EFNA5: variants seen among roughly 807,000 people sequenced by gnomAD.
EFNA5 encodes the protein ephrin A5.
In EFNA5, 5 loss-of-function variants were observed where a neutral mutation model predicts 22.9. The ratio of observed to expected loss-of-function variants is 0.22; its 90% CI spans 0.11 to 0.46. The LOEUF (loss-of-function observed/expected upper bound fraction) is 0.46. EFNA5 is among the 20% of genes least tolerant of loss of function. The pLI is 0.99. For missense variants in EFNA5, 237 were observed against 293.3 expected, an observed-to-expected ratio of 0.81 and a Z score of 1.40; for synonymous variants, 113 against 112.2, an observed-to-expected ratio of 1.01 and a Z score of -0.04.
At chr5:107,550,480 T>C (rs1748270116) in intron 1 of EFNA5, among the ~76,000 whole-genome samples, 1 of 152,182 alleles carries the variant, frequency 6.6e-6, no homozygotes, top group Non-Finnish European at 1.5e-5. Context: ...AGGCAAATTG[T>C]CTAATCTTTC....
intron 2 of EFNA5, among the ~76,000 whole-genome samples, chr5:107,396,580 T>A (rs1368498578): frequency 6.6e-6 from 1 of 152,058 alleles, no homozygotes; most frequent in Non-Finnish European, 1.5e-5. Context: ...GGCTCAGGTG[T>A]GGATAGTGGT....
At chr5:107,610,084 C>A (rs1299457291) in intron 1 of EFNA5, among the ~76,000 whole-genome samples, 1 of 152,188 alleles carries the variant, frequency 6.6e-6, no homozygotes, top group Admixed American at 6.5e-5. Context: ...GTTAAATTCT[C>A]TTCTATTATT....
intron 2 of EFNA5, among the ~76,000 whole-genome samples, chr5:107,410,565 G>T (rs1748341625): frequency 6.6e-6 from 1 of 152,054 alleles, no homozygotes; most frequent in Non-Finnish European, 1.5e-5. Flanking sequence ...TAAAAAAAGG[G>T]TTCCCAGGTC....
intron 1 of EFNA5, among the ~76,000 whole-genome samples, chr5:107,645,640 C>T (rs2112548335): frequency 6.6e-6 from 1 of 152,310 alleles, no homozygotes; most frequent in Middle Eastern, 3.4e-3. Flanking sequence ...TAGTTCTTTT[C>T]ATTCACATCT....
chr5:107,420,522 TAAAAAAAAAAAA>T lies in EFNA5; in HGVS notation c.418+6683_418+6694del, dbSNP rs368304882. Among the ~76,000 whole-genome samples, 19 of 109,090 alleles carry T rather than the reference TAAAAAAAAAAAA, an allele frequency of 1.7e-4. No individual in the cohort carries two copies. In the East Asian group the frequency reaches 3.0e-3, roughly 17 times the overall value. The allele number at this position is 109,090 out of a possible 152,430, so 71.6% of individuals were successfully genotyped here. A position where few individuals can be genotyped will look rare whatever the true frequency, so the allele number is the denominator to read the frequency against. ...TACACTTAACCAGAGTCTGTGCTTT[TAAAAAAAAAAAA>T]AAAAAAGAAAAAAAAAAAAGAAAAA... is the stretch of plus-strand genomic sequence containing the variant. On this transcript the variant is annotated intron_variant, in intron 2 of 4. Coordinates refer to ENST00000333274, the MANE Select transcript of EFNA5 (RefSeq NM_001962.3).
At chr5:107,620,805 A>T (rs1008950847) in intron 1 of EFNA5, among the ~76,000 whole-genome samples, 1 of 152,240 alleles carries the variant, frequency 6.6e-6, no homozygotes, top group African/African-American at 2.4e-5. Context: ...TACAATATAA[A>T]ATAAGTACTA....
intron 1 of EFNA5, among the ~76,000 whole-genome samples, chr5:107,540,659 T>C (rs1212004823): frequency 6.6e-6 from 1 of 152,146 alleles, no homozygotes; most frequent in Non-Finnish European, 1.5e-5. Context: ...GCTTTAGGAG[T>C]AAAAATTTGT....
intron 1 of EFNA5, among the ~76,000 whole-genome samples, chr5:107,626,463 T>A (rs889405813): frequency 6.6e-6 from 1 of 152,082 alleles, no homozygotes; most frequent in Non-Finnish European, 1.5e-5. Context: ...AAATTTTTTT[T>A]AGAGATGGGA....
rs559798045 is a variant in EFNA5, at chr5:107,551,905, T to TA, written c.125+118583_125+118584insT. Among the ~76,000 whole-genome samples the TA allele has an allele frequency of 1.7e-4, 26 of 151,566 alleles. 1 individual carries two copies. The South Asian group carries it at 4.1e-3, about 24-fold the overall frequency. On this transcript the variant is annotated intron_variant, in intron 1 of 4. Transcript: ENST00000333274. ...AACTATAAGCAAAATATGTAAGCTT[T>TA]TAAAAAAAAAAGGCTGTTAAAGATT...
intron 2 of EFNA5, among the ~76,000 whole-genome samples, chr5:107,410,548 T>C (rs1476468199): frequency 6.6e-6 from 1 of 152,030 alleles, no homozygotes; most frequent in Non-Finnish European, 1.5e-5. Context: ...TCCCTCAAAA[T>C]GCTCCATAAA....
intron 1 of EFNA5, among the ~76,000 whole-genome samples, chr5:107,521,321 G>A (rs1448400373): frequency 6.6e-6 from 1 of 151,726 alleles, no homozygotes; most frequent in South Asian, 2.1e-4. Flanking sequence ...GTCTCATCTC[G>A]CTCTGTGGCC....
intron 1 of EFNA5, among the ~76,000 whole-genome samples, chr5:107,520,046 A>G (rs990712356): frequency 6.6e-6 from 1 of 152,220 alleles, no homozygotes; most frequent in African/African-American, 2.4e-5. Flanking sequence ...CCACAGAACC[A>G]TCTCAGGGCT....
At chr5:107,555,900 T>G (rs1455109532) in intron 1 of EFNA5, among the ~76,000 whole-genome samples, 2 of 152,216 alleles carry the variant, frequency 1.3e-5, no homozygotes, top group Non-Finnish European at 2.9e-5. Flanking sequence ...AACATCCTGG[T>G]CCTTTCAAAG....
At chr5:107,609,845 G>C (rs1417966786) in intron 1 of EFNA5, among the ~76,000 whole-genome samples, 1 of 152,154 alleles carries the variant, frequency 6.6e-6, no homozygotes, top group Non-Finnish European at 1.5e-5. Context: ...GGTGCCTCTT[G>C]AAAGGTCGTG....
intron 1 of EFNA5, among the ~76,000 whole-genome samples, chr5:107,484,450 T>C (rs1281581172): frequency 2.0e-5 from 3 of 152,182 alleles, no homozygotes; most frequent in African/African-American, 4.8e-5. Flanking sequence ...AAGATTTAAA[T>C]GGATCCATTG....
intron 1 of EFNA5, among the ~76,000 whole-genome samples, chr5:107,605,028 C>T (rs1749682726): frequency 6.6e-6 from 1 of 151,758 alleles, no homozygotes; most frequent in Non-Finnish European, 1.5e-5. Context: ...CTAGTTGATT[C>T]TTCATAACTG....
At chr5:107,642,685 T>A (rs574056707) in intron 1 of EFNA5, among the ~76,000 whole-genome samples, 5 of 152,170 alleles carry the variant, frequency 3.3e-5, no homozygotes, top group Admixed American at 2.0e-4. Context: ...TGGTAGAAGA[T>A]GGTATGAGGA....
At chr5:107,623,027 C>CAAAAAAAAAA (rs61689503) in intron 1 of EFNA5, among the ~76,000 whole-genome samples, 4 of 29,902 alleles carry the variant, frequency 1.3e-4, no homozygotes, top group African/African-American at 4.1e-4. Context: ...GACTCCGTCT[C>CAAAAAAAAAA]AAAAAAAAAA....
rs143424393 is a variant in EFNA5 at position 107,498,477 on chromosome 5, T to G, written c.126-70968A>C. ...CACTTACTTTCTACTCCCCTGGAGC[T>G]TCCCTGGACCCCCACACATCATAGT... On this transcript the variant is annotated intron_variant, in intron 1 of 4. Coordinates refer to ENST00000333274, the MANE Select transcript of EFNA5 (RefSeq NM_001962.3). Among the ~76,000 whole-genome samples, 420 of 152,318 alleles carry G rather than the reference T, an allele frequency of 2.8e-3. 5 individuals carry two copies. Among genetic ancestry groups the G allele is most frequent in the African/African-American group, 9.9e-3 (413 of 41,572 alleles).
Sources: gnomAD v4.1 joint callset for allele counts (sites outside exome capture counted in the v4.1 genomes callset) on GRCh38, gnomAD v4.1.1 for gene constraint, MANE v1.5 for transcripts, NCBI Gene and HGNC (gene_info 2026-07-23, HGNC 2026-07-21) for gene names.